The following CDH26 variants were observed in gnomAD, a reference collection of about 807,000 sequenced individuals.
The protein encoded by CDH26 is cadherin-like protein 26.
In CDH26, 83 loss-of-function variants were observed where a neutral mutation model predicts 90.3. The ratio of observed to expected loss-of-function variants is 0.92; its 90% CI spans 0.77 to 1.10. CDH26 has a LOEUF of 1.10. Ranked by LOEUF, CDH26 falls within the 50% of genes least tolerant of loss-of-function variation. CDH26 has a pLI of 0.00. For synonymous variants in CDH26, 397 were observed against 396.3 expected, an observed-to-expected ratio of 1.00 and a Z score of -0.02; for missense variants, 1,013 against 1,037.6, an observed-to-expected ratio of 0.98 and a Z score of 0.33.
chr20:59,961,418 GT>G (rs1013686670), intron 1 of CDH26, among the ~76,000 whole-genome samples: 2 of 152,180 alleles, frequency 1.3e-5, no homozygotes, highest in Admixed American at 6.5e-5. Flanking sequence ...GATGTAAGAA[GT>G]TTTTAGCAAT....
intron 16 of CDH26, among the ~76,000 whole-genome samples, chr20:60,004,629 G>A (rs56332768): frequency 0.029 from 4,390 of 151,976 alleles, 250 homozygotes; most frequent in African/African-American, 0.099. Flanking sequence ...AACTGGACGT[G>A]GTGGCGGGCG....
exon 9 of CDH26, chr20:60,033,647 G>A (rs1287030045): frequency 7.7e-7 from 1 of 1,304,612 alleles, no homozygotes; most frequent in South Asian, 1.2e-5. Flanking sequence ...ATCGGCAGGT[G>A]GTCACAATTG....
intron 4 of CDH26, among the ~76,000 whole-genome samples, chr20:59,978,615 C>G (rs1396260397): frequency 6.6e-6 from 1 of 151,952 alleles, no homozygotes; most frequent in Non-Finnish European, 1.5e-5. Flanking sequence ...CTCAGGTGGT[C>G]CCCCCACCTC....
At chr20:60,001,280 C>T (rs1237072356) in intron 14 of CDH26, 63 bp from the exon 15 acceptor site, 3 of 1,604,310 alleles carry the variant, frequency 1.9e-6, no homozygotes, top group Non-Finnish European at 1.7e-6. Flanking sequence ...CACGCATGCC[C>T]ACTTTGTTTC....
Position 59,996,009 on chromosome 20 carries a change from G to A in CDH26, c.1843G>A (p.Val615Met). ...TGCAGATGCAGAAGTGGGGCTTCAT[G>A]TGGGGGCCCTGTTCCCTGTCTGTGC... ...ELADAEVGLH[V>M]GALFPVCAAF... is the part of the protein sequence containing the mutation. Residue 615 changes from valine to methionine, a missense_variant, in exon 12 of 18, where the codon GTG becomes ATG. Physicochemically the swap from Val to Met is conservative, Grantham distance 21. Transcript: ENST00000348616. 1.9e-6 allele frequency: 3 copies of A among 1,614,052 alleles called. No homozygotes were observed. The highest frequency in any genetic ancestry group is 1.7e-6 in the Non-Finnish European group (2 of 1,180,042).
intron 7 of CDH26, among the ~76,000 whole-genome samples, chr20:59,986,428 T>G (rs1481825509): frequency 1.3e-5 from 2 of 152,180 alleles, no homozygotes; most frequent in African/African-American, 4.8e-5. Context: ...ATATTTTATT[T>G]TTTACTATTC....
chr20:59,968,682 T>C (rs1203366691), intron 1 of CDH26, among the ~76,000 whole-genome samples: 1 of 152,214 alleles, frequency 6.6e-6, no homozygotes, highest in Non-Finnish European at 1.5e-5. Context: ...AAACAAGTTC[T>C]ACTTCCTGCT....
chr20:59,963,219 C>T (rs139056835), intron 1 of CDH26, among the ~76,000 whole-genome samples: 34 of 151,222 alleles, frequency 2.2e-4, no homozygotes, highest in Non-Finnish European at 3.5e-4. Flanking sequence ...ATTACCTGCC[C>T]GACATCACAT....
rs370682137 is a variant in CDH26 at position 60,012,728 on chromosome 20, TA to T, written c.*8del. 8,124 of 1,374,270 alleles carry T rather than the reference TA, an allele frequency of 5.9e-3. 21 individuals are homozygous for T. The highest frequency in any genetic ancestry group is 6.8e-3 in the Non-Finnish European group (6,850 of 1,010,854). The allele number at this position is 1,374,270 out of a possible 1,614,324, so 85.1% of individuals were successfully genotyped here. A position where few individuals can be genotyped will look rare whatever the true frequency, so the allele number is the denominator to read the frequency against. On this transcript the variant is annotated frameshift_variant and stop_lost, in exon 18 of 18. Coordinates refer to ENST00000348616, the MANE Select transcript of CDH26 (RefSeq NM_177980.4). LOFTEE classifies it high-confidence loss of function. Reference sequence around the variant, plus strand: ...ATATTCAGAGTCAGGTGTTCCTTCCTAAAAAAAAAAGTCTATTTTGGAGAAT... The same window carrying T: ...ATATTCAGAGTCAGGTGTTCCTTCCTAAAAAAAAAGTCTATTTTGGAGAAT... ...EIYSESGVPS* is the reference protein window; with the variant it reads ...EIYSESGVPSX
exon 9 of CDH26, chr20:60,033,608 G>A (rs1293136005): frequency 1.3e-5 from 17 of 1,304,736 alleles, no homozygotes; most frequent in Middle Eastern, 4.2e-4. Context: ...TAACAAAAAG[G>A]CATGTTTCCC....
intron 9 of CDH26, among the ~76,000 whole-genome samples, chr20:59,991,501 G>A (rs751471531): frequency 5.9e-5 from 9 of 152,110 alleles, no homozygotes; most frequent in Non-Finnish European, 7.3e-5. Context: ...TCTTCCCCTC[G>A]TTTGTAAACA....
At chr20:60,031,825 A>C (rs2062041713) in intron 8 of CDH26, among the ~76,000 whole-genome samples, 1 of 151,974 alleles carries the variant, frequency 6.6e-6, no homozygotes, top group South Asian at 2.1e-4. Context: ...TAAAGTTTTC[A>C]TCCTCCCACT....
Position 60,013,272 on chromosome 20 carries a change from A to G in CDH26, c.*542A>G, listed in dbSNP as rs568228128. 6.6e-6 allele frequency: 1 copy of G among 152,500 alleles called. No homozygotes were observed. Among genetic ancestry groups the G allele is most frequent in the East Asian group, 1.9e-4 (1 of 5,192 alleles). The allele number at this position is 152,500 out of a possible 1,614,324, so 9.4% of individuals were successfully genotyped here. A position where few individuals can be genotyped will look rare whatever the true frequency, so the allele number is the denominator to read the frequency against. On this transcript the variant is annotated 3_prime_UTR_variant, in exon 18 of 18. Coordinates refer to ENST00000348616, the MANE Select transcript of CDH26 (RefSeq NM_177980.4). Reference sequence around the variant, plus strand: ...TTTTGATTAGATAAATAGATAAAATATGTTATCTTGAGAAAAATGATTATG... The same window carrying G: ...TTTTGATTAGATAAATAGATAAAATGTGTTATCTTGAGAAAAATGATTATG...
chr20:59,979,601 CTTTTTTTTTTTTTTTTTTTTTTTTT>C (rs559969476), intron 4 of CDH26, among the ~76,000 whole-genome samples: 2,559 of 47,552 alleles, frequency 0.054, 92 homozygotes, highest in South Asian at 0.16. Context: ...CTGCTATGCA[CTTTTTTTTTTTTTTTTTTTTTTTTT>C]TTTTTTTTTT....
At chr20:60,032,507 G>A (rs1185878581) in intron 8 of CDH26, among the ~76,000 whole-genome samples, 1 of 152,126 alleles carries the variant, frequency 6.6e-6, no homozygotes, top group Non-Finnish European at 1.5e-5. Flanking sequence ...ACTTGAATGT[G>A]GGCCTAACAT....
At position 60,002,837 on chromosome 20, in the gene CDH26, A is replaced by G. The variant is rs774790392; in HGVS notation, c.2191A>G (p.Arg731Gly). Residue 731 changes from arginine (R) to glycine (G), a missense_variant, in exon 16 of 18, where the codon AGA (arginine) becomes GGA (glycine). Transcript: ENST00000348616. ...SWGYGKPFEP[R>G]SVKNIHSTPA... ...GGGTTATGGCAAGCCCTTTGAGCCA[A>G]GAAGTGTGAAAAACATACACTCTAC... The G allele has an allele frequency of 3.1e-6, 5 of 1,601,822 alleles. No individual in the cohort carries two copies. Among genetic ancestry groups the G allele is most frequent in the Admixed American group, 3.4e-5 (2 of 59,414 alleles).
rs1034123663 is a variant in CDH26 at position 59,999,523 on chromosome 20, T to C, written c.2020-63T>C. ...GGAGAAAATGTCATTCCTTTCCTTCTGTTTTTATTTCTGCTATCTGTGATT... is the reference window on the plus strand; with the variant it reads ...GGAGAAAATGTCATTCCTTTCCTTCCGTTTTTATTTCTGCTATCTGTGATT... On this transcript the variant is annotated intron_variant, in intron 13 of 17. Coordinates refer to ENST00000348616, the MANE Select transcript of CDH26 (RefSeq NM_177980.4). 37 of 1,376,510 alleles carry C rather than the reference T, an allele frequency of 2.7e-5. No individual in the cohort carries two copies. The Middle Eastern group carries it at 1.6e-3, about 60-fold the overall frequency. 85.3% of individuals were successfully genotyped at this position (1,376,510 alleles called of 1,614,324 possible).
At chr20:60,035,402 T>G (rs147886798), downstream of CDH26, among the ~76,000 whole-genome samples, 161 of 152,354 alleles carry the variant, frequency 1.1e-3, 2 homozygotes, top group East Asian at 0.028. Flanking sequence ...GTGTGTATTA[T>G]CAGTTTTTAA....
rs6071045 is a variant in CDH26 at position 59,958,814 on chromosome 20, C to T, written c.69+19C>T. On this transcript the variant is annotated intron_variant, in intron 1 of 17. Coordinates refer to ENST00000348616, the MANE Select transcript of CDH26 (RefSeq NM_177980.4). ...GCTGCAGGTAAGCTGAGCCTGCAGC[C>T]TAGTGCTCAGGTGCAGGGAACTGAA... 1 of 1,610,376 alleles carries T rather than the reference C, an allele frequency of 6.2e-7. No homozygotes were observed. Among genetic ancestry groups the T allele is most frequent in the East Asian group, 2.2e-5 (1 of 44,722 alleles).
Sources: gnomAD v4.1 joint callset for allele counts (sites outside exome capture counted in the v4.1 genomes callset) on GRCh38, gnomAD v4.1.1 for gene constraint, MANE v1.5 for transcripts, NCBI Gene and HGNC (gene_info 2026-07-23, HGNC 2026-07-21) for gene names.